Variants in SMARCD2 observed in about 807,000 individuals in gnomAD.
SMARCD2 encodes SWI/SNF-related matrix-associated actin-dependent regulator of chromatin subfamily D member 2.
In SMARCD2, 39 loss-of-function variants were observed where a neutral mutation model predicts 70.4. That is an observed-to-expected ratio of 0.55 (90% CI 0.43 to 0.72). The LOEUF (loss-of-function observed/expected upper bound fraction) is 0.72, where lower values mean the gene tolerates loss of function less well. Ranked by LOEUF, SMARCD2 falls within the 30% of genes least tolerant of loss-of-function variation. SMARCD2 has a pLI of 0.00. For missense variants in SMARCD2, 540 were observed against 713.4 expected (o/e 0.76, Z 2.77); for synonymous variants, 249 against 279.4 (o/e 0.89, Z 1.08).
chr17:63,834,878 GC>G lies in SMARCD2; in HGVS notation c.724-79del. 5 of 1,051,320 alleles carry G rather than the reference GC, an allele frequency of 4.8e-6. No homozygotes were observed. The highest frequency in any genetic ancestry group is 7.4e-6 in the Non-Finnish European group (5 of 677,822). The allele number at this position is 1,051,320 out of a possible 1,614,324, so 65.1% of individuals were successfully genotyped here. ...CTATGCTAAATCCCAAGAAAGAGAA[GC>G]CCCATTTCAGCCCTGGAGCTCCGGA... is the stretch of plus-strand genomic sequence containing the variant. On this transcript the variant is annotated intron_variant, in intron 5 of 12. Coordinates refer to ENST00000448276, the MANE Select transcript of SMARCD2 (RefSeq NM_001098426.2). The surrounding 1 kb of genome is among the most constrained non-coding windows in gnomAD (Gnocchi z 5.6).
chr17:63,835,276 C>T (rs2040251062), intron 5 of SMARCD2, 136 bp downstream of exon 5: 1 of 831,640 alleles, frequency 1.2e-6, no homozygotes, highest in Non-Finnish European at 1.8e-6. Flanking sequence ...GTGCATGCCA[C>T]CGCACCCAGC....
At chr17:63,835,755 TCTCA>T (rs1028292087) in intron 4 of SMARCD2, 188 bp from the exon 5 acceptor site, 14 of 494,972 alleles carry the variant, frequency 2.8e-5, no homozygotes, top group Non-Finnish European at 4.3e-5. Context: ...TTAGACATGG[TCTCA>T]CTCTGTCACC....
Position 63,834,925 on chromosome 17 carries a change from T to C in SMARCD2, c.724-125A>G. ...CCGGATACTGAAGATTCCTGGGCCCTGAAGGATGGAAGCAGGACTCTGGGC... is the reference window on the plus strand; with the variant it reads ...CCGGATACTGAAGATTCCTGGGCCCCGAAGGATGGAAGCAGGACTCTGGGC... On this transcript the variant is annotated intron_variant, in intron 5 of 12. Transcript: ENST00000448276. The surrounding 1 kb of genome is among the most constrained non-coding windows in gnomAD (Gnocchi z 5.6). 1.4e-6 allele frequency: 1 copy of C among 699,940 alleles called. No individual in the cohort carries two copies. The highest frequency in any genetic ancestry group is 2.5e-6 in the Non-Finnish European group (1 of 403,984). 43.4% of individuals were successfully genotyped at this position (699,940 alleles called of 1,614,324 possible).
chr17:63,836,306 C>T (rs931494974), intron 4 of SMARCD2, among the ~76,000 whole-genome samples: 4 of 151,786 alleles, frequency 2.6e-5, no homozygotes, highest in South Asian at 2.1e-4. Context: ...GTCAGGAGTT[C>T]GAGACCAGCC....
At position 63,832,883 on chromosome 17, in the gene SMARCD2, C is replaced by G; in HGVS notation, c.*55G>C. On this transcript the variant is annotated 3_prime_UTR_variant, in exon 13 of 13. Transcript: ENST00000448276. ...ACGTGTCTGCGGCCCCAGCAAGGAC[C>G]CAGAGGGTGGTCTCCCTCCAGGCTC... is the stretch of plus-strand genomic sequence containing the variant. 1 of 1,503,170 alleles carries G rather than the reference C, an allele frequency of 6.7e-7. No homozygotes were observed. The highest frequency in any genetic ancestry group is 9.1e-7 in the Non-Finnish European group (1 of 1,104,492). The allele number at this position is 1,503,170 out of a possible 1,614,324, so 93.1% of individuals were successfully genotyped here. A position where few individuals can be genotyped will look rare whatever the true frequency, so the allele number is the denominator to read the frequency against.
Position 63,835,556 on chromosome 17 carries a change from C to T in SMARCD2, c.579G>A (p.Lys193=), listed in dbSNP as rs2040254991. ...ACGTATTGGAAATGTAGATCCGAAG[C>T]TTTCGCTTTTGCTAAAGAGAGAAAG... ...AIKKPLTQKR[K]LRIYISNTFS... is the part of the protein sequence containing the mutation. The change falls in exon 5 of 13, where the codon AAG becomes AAA. Residue 193 remains lysine, a synonymous_variant. Coordinates refer to ENST00000448276, the MANE Select transcript of SMARCD2 (RefSeq NM_001098426.2). The T allele has an allele frequency of 6.2e-7, 1 of 1,613,746 alleles. No homozygotes were observed. Among genetic ancestry groups the T allele is most frequent in the Admixed American group, 1.7e-5 (1 of 59,968 alleles).
In SMARCD2 at chr17:63,833,752, C is replaced by CA. The variant is rs1567760439; in HGVS notation, c.1182-31dup. On this transcript the variant is annotated intron_variant, in intron 9 of 12. Coordinates refer to ENST00000448276, the MANE Select transcript of SMARCD2 (RefSeq NM_001098426.2). This position sits in a 1 kb window ranked among gnomAD's most constrained non-coding sequence, Gnocchi z 4.3. Reference sequence around the variant, plus strand: ...AGGCAGCACATGGGGAGGGAAGGCACATAGCTGACTTCATCCTGCCCACCT... The same window carrying CA: ...AGGCAGCACATGGGGAGGGAAGGCACAATAGCTGACTTCATCCTGCCCACCT... 6.2e-7 allele frequency: 1 copy of CA among 1,613,632 alleles called. No homozygotes were observed. Among genetic ancestry groups the CA allele is most frequent in the Non-Finnish European group, 8.5e-7 (1 of 1,179,582 alleles).
At chr17:63,838,526 G>T in intron 1 of SMARCD2, 1 of 1,176,304 alleles carries the variant, frequency 8.5e-7, no homozygotes, top group Non-Finnish European at 1.1e-6. Context: ...TATCCTGGGA[G>T]GCAAGGATAG....
At position 63,835,472 on chromosome 17, in the gene SMARCD2, G is replaced by T; in HGVS notation, c.663C>A (p.Thr221=). Reference sequence around the variant, plus strand: ...AGGAAGCCACCTTGTCCCCTGCTGGGGTTCCCCCAGGGGTCCCTGCAGTTC... The same window carrying T: ...AGGAAGCCACCTTGTCCCCTGCTGGTGTTCCCCCAGGGGTCCCTGCAGTTC... ...SAGTAGTPGG[T]PAGDKVASWE... is the part of the protein sequence containing the mutation. Residue 221 remains threonine, a synonymous_variant, in exon 5 of 13, where the codon ACC becomes ACA. Coordinates refer to ENST00000448276, the MANE Select transcript of SMARCD2 (RefSeq NM_001098426.2). 6.2e-7 allele frequency: 1 copy of T among 1,613,928 alleles called. No homozygotes were observed. Among genetic ancestry groups the T allele is most frequent in the African/African-American group, 1.3e-5 (1 of 75,040 alleles).
At position 63,832,828 on chromosome 17, in the gene SMARCD2, G is replaced by A. The variant is rs2040209028; in HGVS notation, c.*110C>T. On this transcript the variant is annotated 3_prime_UTR_variant, in exon 13 of 13. Coordinates refer to ENST00000448276, the MANE Select transcript of SMARCD2 (RefSeq NM_001098426.2). ...ATAAGACTAAAGCTGGAGAGTAGAG[G>A]GTGACAGCAGACACTCCTCACCCCA... 7.1e-6 allele frequency: 6 copies of A among 847,812 alleles called. No homozygotes were observed. The highest frequency in any genetic ancestry group is 4.0e-5 in the Admixed American group (2 of 49,496). 52.5% of individuals were successfully genotyped at this position (847,812 alleles called of 1,614,324 possible).
chr17:63,834,374 C>G lies in SMARCD2; in HGVS notation c.922-46G>C. ...GTCAGAACGGGTTCTTATAGTAGAA[C>G]AGTGGGAAAATAGGGCAGGGACAGG... On this transcript the variant is annotated intron_variant, in intron 7 of 12. Coordinates refer to ENST00000448276, the MANE Select transcript of SMARCD2 (RefSeq NM_001098426.2). This position sits in a 1 kb window ranked among gnomAD's most constrained non-coding sequence, Gnocchi z 5.6. 1 of 1,591,684 alleles carries G rather than the reference C, an allele frequency of 6.3e-7. No homozygotes were observed. The highest frequency in any genetic ancestry group is 1.1e-5 in the South Asian group (1 of 89,866).
At chr17:63,835,807 C>A (rs570744582) in intron 4 of SMARCD2, 4 of 352,014 alleles carry the variant, frequency 1.1e-5, no homozygotes, top group Non-Finnish European at 2.1e-5. Flanking sequence ...AGCTCACTTG[C>A]AACCTCTGAC....
rs1049438020 is a variant in SMARCD2 at position 63,832,288 on chromosome 17, G to A, written c.*650C>T. ...GAGTGTCCCCTCCCCGGCCCAAGCCGCTGGAGAGGCAGCCCTCTGGCATCC... is the reference window on the plus strand; with the variant it reads ...GAGTGTCCCCTCCCCGGCCCAAGCCACTGGAGAGGCAGCCCTCTGGCATCC... On this transcript the variant is annotated 3_prime_UTR_variant, in exon 13 of 13. Transcript: ENST00000448276. 3 of 367,890 alleles carry A rather than the reference G, an allele frequency of 8.2e-6. No individual in the cohort carries two copies. Among genetic ancestry groups the A allele is most frequent in the Admixed American group, 4.4e-5 (1 of 22,978 alleles). The allele number at this position is 367,890 out of a possible 1,614,324, so 22.8% of individuals were successfully genotyped here.
chr17:63,838,495 G>T, intron 1 of SMARCD2: 1 of 988,846 alleles, frequency 1.0e-6, no homozygotes, highest in Non-Finnish European at 1.4e-6. Context: ...GCAATCCCAA[G>T]CTGGAGAAGG....
In SMARCD2 at chr17:63,837,023, ACT is replaced by A; in HGVS notation, c.464_465del (p.Glu155ValfsTer11). 1.2e-6 allele frequency: 2 copies of A among 1,613,460 alleles called. No individual in the cohort carries two copies. The highest frequency in any genetic ancestry group is 1.7e-6 in the Non-Finnish European group (2 of 1,179,498). ...GCCAAGAGATCCATGTACGCCTGAG[ACT>A]CTGGAACAAGCTCCCGGATCTGAAG... is the stretch of plus-strand genomic sequence containing the variant. Reference protein sequence around the residue: ...LPQRIRELVPESQAYMDLLAF... With the variant: ...LPQRIRELVPXSQAYMDLLAF... On this transcript the variant is annotated frameshift_variant, in exon 4 of 13. Coordinates refer to ENST00000448276, the MANE Select transcript of SMARCD2 (RefSeq NM_001098426.2). LOFTEE classifies it high-confidence loss of function. The surrounding 1 kb of genome is among the most constrained non-coding windows in gnomAD (Gnocchi z 6.4).
In SMARCD2 at chr17:63,837,185, T is replaced by G. The variant is rs2040276071; in HGVS notation, c.444+10A>C. The G allele has an allele frequency of 6.2e-7, 1 of 1,613,262 alleles. No individual in the cohort carries two copies. Among genetic ancestry groups the G allele is most frequent in the South Asian group, 1.1e-5 (1 of 91,038 alleles). ...TGGGCAGGCCTCCCAGGTGTCCTCT[T>G]AACACTTACTCGCTGAGGTAGAACC... On this transcript the variant is annotated intron_variant, in intron 3 of 12. Transcript: ENST00000448276. The surrounding 1 kb of genome is among the most constrained non-coding windows in gnomAD (Gnocchi z 6.4).
In SMARCD2 at chr17:63,835,411, C is replaced by A; in HGVS notation, c.723+1G>T. On this transcript the variant is annotated splice_donor_variant, in intron 5 of 12. Coordinates refer to ENST00000448276, the MANE Select transcript of SMARCD2 (RefSeq NM_001098426.2). LOFTEE classifies it high-confidence loss of function. Reference sequence around the variant, plus strand: ...CTCCAGAACCTCCCTCCCCAACTCACATCATCCAGCAGTTTTCCTTCCACT... The same window carrying A: ...CTCCAGAACCTCCCTCCCCAACTCAAATCATCCAGCAGTTTTCCTTCCACT... The A allele has an allele frequency of 6.2e-7, 1 of 1,612,502 alleles. No homozygotes were observed. Among genetic ancestry groups the A allele is most frequent in the Non-Finnish European group, 8.5e-7 (1 of 1,179,028 alleles).
rs1371386486 is a variant in SMARCD2, at chr17:63,833,462, C to A, written c.1318-42G>T. On this transcript the variant is annotated intron_variant, in intron 10 of 12. Coordinates refer to ENST00000448276, the MANE Select transcript of SMARCD2 (RefSeq NM_001098426.2). The surrounding 1 kb of genome is among the most constrained non-coding windows in gnomAD (Gnocchi z 4.3). The stretch of plus-strand genomic sequence containing the variant: ...TGTCAGACTGTGCCCCCAAAGCTTA[C>A]ATGCAAGCAACTGAGCCAGAGTTCC... 1.2e-6 allele frequency: 2 copies of A among 1,611,608 alleles called. No individual in the cohort carries two copies. The highest frequency in any genetic ancestry group is 8.5e-7 in the Non-Finnish European group (1 of 1,178,256).
Position 63,837,371 on chromosome 17 carries a change from A to G in SMARCD2, c.401+70T>C, listed in dbSNP as rs1468809668. ...TCATCCTCAGTCACCAAAGCTCTTA[A>G]GATAGAAGGAAACCCTCTGCTACCA... On this transcript the variant is annotated intron_variant, in intron 2 of 12. Transcript: ENST00000448276. The surrounding 1 kb of genome is among the most constrained non-coding windows in gnomAD (Gnocchi z 6.4). 3.2e-6 allele frequency: 5 copies of G among 1,543,194 alleles called. No individual in the cohort carries two copies. Among genetic ancestry groups the G allele is most frequent in the African/African-American group, 1.4e-5 (1 of 73,364 alleles).
Sources: gnomAD v4.1 joint callset for allele counts (sites outside exome capture counted in the v4.1 genomes callset) on GRCh38, gnomAD v4.1.1 for gene constraint, Gnocchi (gnomAD v3.1) non-coding constraint, MANE v1.5 for transcripts, NCBI Gene and HGNC (gene_info 2026-07-23, HGNC 2026-07-21) for gene names.